Variants in HK1 observed in about 807,000 individuals in gnomAD.
HK1 encodes hexokinase-1.
Under a neutral mutation model 91.6 loss-of-function variants are expected in HK1, and 28 were observed. That is an observed-to-expected ratio of 0.31 (90% CI 0.23 to 0.42). The LOEUF (loss-of-function observed/expected upper bound fraction) is 0.42. HK1 is among the 10% of genes least tolerant of loss of function. The pLI is 1.00. For synonymous variants in HK1, 430 were observed against 468.1 expected (o/e 0.92, Z 1.05); for missense variants, 770 against 1,219.8 (o/e 0.63, Z 5.49).
intron 14 of HK1, among the ~76,000 whole-genome samples, chr10:69,390,903 C>T (rs1261483050): frequency 6.6e-6 from 1 of 152,198 alleles, no homozygotes; most frequent in Non-Finnish European, 1.5e-5. Flanking sequence ...TTTAAATGTC[C>T]AGTCTATTCA....
chr10:69,354,315 C>T (rs1849026193), intron 2 of HK1, among the ~76,000 whole-genome samples: 5 of 152,134 alleles, frequency 3.3e-5, no homozygotes, highest in Admixed American at 3.3e-4. Context: ...CTGCCTAAGA[C>T]TGGGTAATTT....
At chr10:69,375,091 A>G (rs564259890) in intron 7 of HK1, among the ~76,000 whole-genome samples, 5 of 152,226 alleles carry the variant, frequency 3.3e-5, no homozygotes, top group Non-Finnish European at 7.3e-5. Flanking sequence ...GGCAAGTTAT[A>G]TAACCTTTCT....
chr10:69,295,587 G>A, intron 3 of HK1: 2 of 1,332,130 alleles, frequency 1.5e-6, no homozygotes, highest in Non-Finnish European at 2.2e-6. Context: ...AATGCAAGTT[G>A]CTAAAATGCA....
At chr10:69,378,133 T>A (rs1440601944) in intron 8 of HK1, among the ~76,000 whole-genome samples, 1 of 152,132 alleles carries the variant, frequency 6.6e-6, no homozygotes, top group Non-Finnish European at 1.5e-5. Flanking sequence ...AGTCTCCTGG[T>A]CAGTGGCTGG....
intron 3 of HK1, among the ~76,000 whole-genome samples, chr10:69,361,559 G>T (rs971849338): frequency 1.3e-5 from 2 of 152,158 alleles, no homozygotes; most frequent in Admixed American, 1.3e-4. Flanking sequence ...AACATTCCCT[G>T]TGTGTTTTAC....
Position 69,276,118 on chromosome 10 carries a change from A to AAAAAAAAAAAAAT in HK1, c.-391+6011_-391+6012insAAAAAAAAAAATA. Among the ~76,000 whole-genome samples, 3 of 38,262 alleles carry AAAAAAAAAAAAAT rather than the reference A, an allele frequency of 7.8e-5. 1 individual carries two copies. Among genetic ancestry groups the AAAAAAAAAAAAAT allele is most frequent in the Non-Finnish European group, 1.0e-4 (2 of 19,638 alleles). 25.1% of individuals were successfully genotyped at this position (38,262 alleles called of 152,430 possible). ...AAAAAAAAAAAAAAAAAAAAAAAAA[A>AAAAAAAAAAAAAT]ATACATATATATATATATATACACA... On this transcript the variant is annotated intron_variant, in intron 1 of 21. Transcript: ENST00000360289.
At chr10:69,381,546 C>CTTTTTTTTT (rs35306200) in intron 9 of HK1, among the ~76,000 whole-genome samples, 2 of 132,232 alleles carry the variant, frequency 1.5e-5, no homozygotes, top group Non-Finnish European at 1.6e-5. Context: ...TCATCTTAAC[C>CTTTTTTTTT]TTTTTTTTTT....
upstream of HK1, among the ~76,000 whole-genome samples, chr10:69,312,716 G>A (rs1846433022): frequency 6.6e-6 from 1 of 152,168 alleles, no homozygotes; most frequent in Non-Finnish European, 1.5e-5. Flanking sequence ...ATCCCTCTAG[G>A]GGTGGTGACA....
chr10:69,325,212 C>T (rs1372668211), intron 1 of HK1, among the ~76,000 whole-genome samples: 5 of 143,768 alleles, frequency 3.5e-5, no homozygotes, highest in South Asian at 2.2e-4. Context: ...CCACCACTCC[C>T]GTCTAATTTT....
chr10:69,318,825 G>A (rs2132562799), upstream of HK1: 12 of 1,433,960 alleles, frequency 8.4e-6, no homozygotes, highest in East Asian at 2.3e-4. Flanking sequence ...GGGCCGAGGG[G>A]GAGGAGCCGG....
At chr10:69,318,276 C>T, upstream of HK1, 3 of 967,168 alleles carry the variant, frequency 3.1e-6, no homozygotes, top group Non-Finnish European at 3.7e-6. Flanking sequence ...AGGCGCGGGA[C>T]CCGGGTGCGA....
chr10:69,377,108 A>G lies in HK1; in HGVS notation c.1031+19A>G. 1 of 1,614,038 alleles carries G rather than the reference A, an allele frequency of 6.2e-7. No homozygotes were observed. Among genetic ancestry groups the G allele is most frequent in the Non-Finnish European group, 8.5e-7 (1 of 1,179,944 alleles). On this transcript the variant is annotated intron_variant, in intron 8 of 17. Transcript: ENST00000359426. ...TCGAAAAGTAGGTACCATCCCCTCA[A>G]GGCTTTCTTGGGGTGTTGGGGCAGA...
At chr10:69,298,485 A>G (rs142292193) in intron 4 of HK1, among the ~76,000 whole-genome samples, 1 of 151,138 alleles carries the variant, frequency 6.6e-6, no homozygotes, top group African/African-American at 2.4e-5. Context: ...AAATTAGCTG[A>G]GCATGGTGAT....
At chr10:69,391,059 G>T (rs1170569821) in intron 14 of HK1, among the ~76,000 whole-genome samples, 2 of 152,098 alleles carry the variant, frequency 1.3e-5, no homozygotes, top group African/African-American at 4.8e-5. Context: ...GAGTGACTCT[G>T]CTCTAGGGAG....
At chr10:69,306,999 A>C (rs1728562968) in intron 5 of HK1, among the ~76,000 whole-genome samples, 1 of 152,202 alleles carries the variant, frequency 6.6e-6, no homozygotes, top group South Asian at 2.1e-4. Context: ...TGTTGGGTGA[A>C]TAAATGACAA....
At chr10:69,362,761 G>A (rs1013101817) in intron 3 of HK1, among the ~76,000 whole-genome samples, 13 of 152,192 alleles carry the variant, frequency 8.5e-5, no homozygotes, top group Admixed American at 2.6e-4. Flanking sequence ...GAGCCTCCGA[G>A]TGCAGATGGC....
chr10:69,275,679 C>A lies in HK1; in HGVS notation c.-391+5571C>A, dbSNP rs534266402. Among the ~76,000 whole-genome samples, 3 of 152,260 alleles carry A rather than the reference C, an allele frequency of 2.0e-5. No homozygotes were observed. The East Asian group carries it at 5.8e-4, about 29-fold the overall frequency. The stretch of plus-strand genomic sequence containing the variant: ...TAAGTGACAGGTTGGATTTGTCCTG[C>A]AATTCAGTTTGTCAATCCCTGGTCT... On this transcript the variant is annotated intron_variant, in intron 1 of 21. Coordinates refer to the HK1 transcript ENST00000360289.
rs1264995234 is a variant in HK1, at chr10:69,327,668, G to A, written c.63+8658G>A. Among the ~76,000 whole-genome samples the A allele has an allele frequency of 3.3e-5, 5 of 152,248 alleles. No individual in the cohort carries two copies. In the East Asian group the frequency reaches 9.6e-4, roughly 29 times the overall value. Reference sequence around the variant, plus strand: ...CTGCCAAGTTGCCATCCGTGGTCATGCCAGTTCACACTCCCATCGGAAGTA... The same window carrying A: ...CTGCCAAGTTGCCATCCGTGGTCATACCAGTTCACACTCCCATCGGAAGTA... On this transcript the variant is annotated intron_variant, in intron 1 of 17. Transcript: ENST00000359426.
chr10:69,304,580 T>C (rs1162353613), intron 5 of HK1, among the ~76,000 whole-genome samples: 1 of 152,212 alleles, frequency 6.6e-6, no homozygotes, highest in Non-Finnish European at 1.5e-5. Context: ...AGCGCTAGGA[T>C]TACAGGCGTG....
Sources: allele counts gnomAD v4.1 joint callset (sites outside exome capture counted in the v4.1 genomes callset), GRCh38; gene constraint gnomAD v4.1.1; transcripts MANE v1.5; gene names NCBI Gene and HGNC (gene_info 2026-07-23, HGNC 2026-07-21).